Variants in ELOVL7 observed in about 807,000 individuals in gnomAD.
ELOVL7 encodes the protein ELOVL fatty acid elongase 7.
A neutral mutation model predicts 35.7 loss-of-function variants in ELOVL7; 27 were observed. The ratio of observed to expected loss-of-function variants is 0.76; its 90% confidence interval spans 0.56 to 1.04. The LOEUF is 1.04. Among genes scored for constraint, ELOVL7 ranks in the 50% least tolerant of loss-of-function variants. The probability of loss-of-function intolerance (pLI) is 0.00; values close to 1 mark genes in which losing one functional copy is unlikely to be tolerated. For synonymous variants in ELOVL7, 113 were observed against 114.6 expected (o/e 0.99, Z 0.09); for missense variants, 327 against 340.8 (o/e 0.96, Z 0.32).
chr5:60,809,002 G>A (rs907621951), intron 1 of ELOVL7, among the ~76,000 whole-genome samples: 1 of 152,144 alleles, frequency 6.6e-6, no homozygotes, highest in Non-Finnish European at 1.5e-5. Flanking sequence ...AGACAATTCT[G>A]GAGGGTGATG....
chr5:60,807,924 G>A (rs950651800), intron 1 of ELOVL7, among the ~76,000 whole-genome samples: 13 of 148,340 alleles, frequency 8.8e-5, no homozygotes, highest in Non-Finnish European at 1.5e-4. Context: ...GTGTGAACCC[G>A]GGAGGCAGAG....
intron 3 of ELOVL7, chr5:60,784,276 G>A: frequency 3.7e-6 from 2 of 547,240 alleles, no homozygotes; most frequent in South Asian, 3.9e-5. Context: ...CAGAATGGCA[G>A]CAATCTTACT....
rs114947858 is a variant in ELOVL7, at chr5:60,813,775, A to T, written c.-85-14545T>A. Among the ~76,000 whole-genome samples the T allele has an allele frequency of 4.7e-3, 709 of 152,240 alleles. 2 individuals are homozygous for T. The highest frequency in any genetic ancestry group is 0.016 in the African/African-American group (647 of 41,524). The stretch of plus-strand genomic sequence containing the variant: ...AGCAGGAGATAAACTCGACAGGTAG[A>T]TTGGGGCTGACTAAGAAGGTCCCTA... On this transcript the variant is annotated intron_variant, in intron 1 of 8. Transcript: ENST00000508821.
At chr5:60,809,751 T>C (rs1196490021) in intron 1 of ELOVL7, among the ~76,000 whole-genome samples, 1 of 152,108 alleles carries the variant, frequency 6.6e-6, no homozygotes, top group Non-Finnish European at 1.5e-5. Context: ...AGAAAAAAAG[T>C]AGGAAAATAG....
At chr5:60,827,659 G>A (rs968108346) in intron 1 of ELOVL7, among the ~76,000 whole-genome samples, 4 of 152,066 alleles carry the variant, frequency 2.6e-5, no homozygotes, top group Admixed American at 2.0e-4. Flanking sequence ...ACCTTTAAAT[G>A]CCCCATCATG....
chr5:60,770,067 A>AG (rs1198054759), intron 4 of ELOVL7, among the ~76,000 whole-genome samples: 1 of 152,056 alleles, frequency 6.6e-6, no homozygotes, highest in Non-Finnish European at 1.5e-5. Context: ...AAAAAAAAAA[A>AG]AAGAATTCCC....
chr5:60,831,965 G>C (rs1746506667), intron 1 of ELOVL7, among the ~76,000 whole-genome samples: 2 of 152,152 alleles, frequency 1.3e-5, no homozygotes, highest in South Asian at 2.1e-4. Flanking sequence ...GAAAAAAGTA[G>C]AATGTGAATT....
chr5:60,761,950 G>A (rs539209939), intron 7 of ELOVL7, among the ~76,000 whole-genome samples: 9 of 152,144 alleles, frequency 5.9e-5, no homozygotes, highest in Non-Finnish European at 1.3e-4. Flanking sequence ...AAGATCGAAG[G>A]GGGCTCGGTT....
intron 1 of ELOVL7, among the ~76,000 whole-genome samples, chr5:60,831,384 G>A (rs898961210): frequency 1.3e-5 from 2 of 152,108 alleles, no homozygotes; most frequent in Non-Finnish European, 2.9e-5. Flanking sequence ...TTGAGACTAT[G>A]GTGCTATAGG....
At chr5:60,817,536 CA>C (rs1745581464) in intron 1 of ELOVL7, among the ~76,000 whole-genome samples, 1 of 148,812 alleles carries the variant, frequency 6.7e-6, no homozygotes, top group African/African-American at 2.5e-5. Context: ...TTGGCAATAT[CA>C]ACTATAAAAC....
At chr5:60,838,219 GTTACT>G (rs1469310557) in intron 1 of ELOVL7, among the ~76,000 whole-genome samples, 2 of 152,194 alleles carry the variant, frequency 1.3e-5, no homozygotes, top group African/African-American at 2.4e-5. Flanking sequence ...CCTCTTCCTA[GTTACT>G]TTAAAGTATC....
At chr5:60,788,113 G>A (rs924422974) in intron 2 of ELOVL7, among the ~76,000 whole-genome samples, 10 of 152,120 alleles carry the variant, frequency 6.6e-5, no homozygotes, top group East Asian at 3.8e-4. Flanking sequence ...ATGGAGAAAC[G>A]AACGTAATAG....
At chr5:60,837,326 T>TGGGGGGGGGGG (rs1471299589) in intron 1 of ELOVL7, among the ~76,000 whole-genome samples, 1 of 25,048 alleles carries the variant, frequency 4.0e-5, no homozygotes, top group Admixed American at 4.4e-4. Flanking sequence ...GGGGGGGGAG[T>TGGGGGGGGGGG]GGGGGGTGGG....
intron 1 of ELOVL7, among the ~76,000 whole-genome samples, chr5:60,830,939 TTTG>T (rs1746446833): frequency 6.6e-6 from 1 of 152,166 alleles, no homozygotes; most frequent in Admixed American, 6.5e-5. Flanking sequence ...CAGGATGGAT[TTTG>T]TTGACACAGC....
chr5:60,772,287 G>A (rs748003803), intron 3 of ELOVL7, among the ~76,000 whole-genome samples, 194 bp from the exon 4 acceptor site: 2 of 152,074 alleles, frequency 1.3e-5, no homozygotes, highest in Non-Finnish European at 2.9e-5. Flanking sequence ...AGAAACAGTG[G>A]GAGAGGAGCT....
At position 60,782,482 on chromosome 5, in the gene ELOVL7, A is replaced by C. The variant is rs187106068; in HGVS notation, c.64+4852T>G. Among the ~76,000 whole-genome samples, 53 of 152,372 alleles carry C rather than the reference A, an allele frequency of 3.5e-4. 1 individual carries two copies. The highest frequency in any genetic ancestry group is 6.8e-4 in the Non-Finnish European group (46 of 68,034). On this transcript the variant is annotated intron_variant, in intron 3 of 8. Coordinates refer to ENST00000508821, the MANE Select transcript of ELOVL7 (RefSeq NM_024930.3). Reference sequence around the variant, plus strand: ...ACTGCAGCATTATTCATAATAGCCAAGATGTGGAATCAACCTAAGTGTCCA... The same window carrying C: ...ACTGCAGCATTATTCATAATAGCCACGATGTGGAATCAACCTAAGTGTCCA...
At chr5:60,793,498 G>A (rs1310832678) in intron 2 of ELOVL7, among the ~76,000 whole-genome samples, 1 of 152,140 alleles carries the variant, frequency 6.6e-6, no homozygotes. Flanking sequence ...AGCATACACA[G>A]AGCCCTGGAA....
intron 1 of ELOVL7, among the ~76,000 whole-genome samples, chr5:60,819,643 G>A (rs1312433092): frequency 2.0e-5 from 3 of 152,132 alleles, no homozygotes; most frequent in East Asian, 1.9e-4. Flanking sequence ...TTAGCTCGGC[G>A]TGGTGGCAGG....
At chr5:60,815,656 C>T (rs1490108265) in intron 1 of ELOVL7, among the ~76,000 whole-genome samples, 2 of 152,104 alleles carry the variant, frequency 1.3e-5, no homozygotes, top group Admixed American at 1.3e-4. Context: ...CAACCTCTGC[C>T]TCCCGGACTC....
Sources: gnomAD v4.1 joint callset for allele counts (sites outside exome capture counted in the v4.1 genomes callset) on GRCh38, gnomAD v4.1.1 for gene constraint, MANE v1.5 for transcripts, NCBI Gene and HGNC (gene_info 2026-07-23, HGNC 2026-07-21) for gene names.